Variants in LAMA2 observed in about 807,000 individuals in gnomAD.
LAMA2 encodes laminin subunit alpha-2.
Under a neutral mutation model 364.8 loss-of-function variants are expected in LAMA2, and 269 were observed. The ratio of observed to expected loss-of-function variants is 0.74; its 90% confidence interval spans 0.67 to 0.82. The LOEUF is 0.82. LAMA2 is among the 40% of genes least tolerant of loss of function. The pLI, the probability that LAMA2 is intolerant of heterozygous loss-of-function variation, is 0.00. For synonymous variants in LAMA2, 1,379 were observed against 1,370.6 expected (o/e 1.01, Z -0.14); for missense variants, 3,807 against 3,873.2 (o/e 0.98, Z 0.45).
chr6:129,239,042 T>C (rs1785214453), intron 12 of LAMA2, among the ~76,000 whole-genome samples: 1 of 152,214 alleles, frequency 6.6e-6, no homozygotes, highest in Admixed American at 6.5e-5. Context: ...ATTTTGGAGA[T>C]TGTTTTACAT....
At chr6:128,973,079 A>G (rs549447386) in intron 1 of LAMA2, among the ~76,000 whole-genome samples, 25 of 152,096 alleles carry the variant, frequency 1.6e-4, no homozygotes, top group African/African-American at 5.6e-4. Flanking sequence ...GCAAGTTACT[A>G]TATTGCAATG....
chr6:129,081,255 A>AG (rs1309318819), intron 3 of LAMA2, among the ~76,000 whole-genome samples: 2 of 138,088 alleles, frequency 1.4e-5, no homozygotes, highest in African/African-American at 5.3e-5. Context: ...GGGTGGGGTG[A>AG]GGGGGGAGGG....
intron 21 of LAMA2, among the ~76,000 whole-genome samples, chr6:129,298,733 A>G (rs998405837): frequency 1.3e-5 from 2 of 152,170 alleles, no homozygotes; most frequent in Admixed American, 6.5e-5. Flanking sequence ...AATATTTAAA[A>G]CTATTTAAAG....
chr6:129,081,176 A>G (rs1037484834), intron 3 of LAMA2, among the ~76,000 whole-genome samples: 1 of 147,368 alleles, frequency 6.8e-6, no homozygotes, highest in Non-Finnish European at 1.5e-5. Context: ...TCTCACTCAT[A>G]GGTGGGAAAC....
At chr6:129,386,349 A>T (rs1458368224) in intron 35 of LAMA2, among the ~76,000 whole-genome samples, 1 of 151,960 alleles carries the variant, frequency 6.6e-6, no homozygotes, top group Non-Finnish European at 1.5e-5. Flanking sequence ...GGAACTATAT[A>T]TATGTATATA....
intron 48 of LAMA2, among the ~76,000 whole-genome samples, chr6:129,457,402 G>A (rs186764255): frequency 8.6e-4 from 131 of 152,040 alleles, no homozygotes; most frequent in Admixed American, 1.3e-3. Flanking sequence ...TAAATATAGG[G>A]ATAGCACACA....
intron 3 of LAMA2, among the ~76,000 whole-genome samples, chr6:129,061,407 T>A (rs1788904615): frequency 6.6e-6 from 1 of 152,210 alleles, no homozygotes; most frequent in South Asian, 2.1e-4. Context: ...ATAGTACTCT[T>A]TGAGCTGAAC....
At chr6:129,094,689 A>T (rs950079592) in intron 3 of LAMA2, among the ~76,000 whole-genome samples, 4 of 152,210 alleles carry the variant, frequency 2.6e-5, no homozygotes, top group Admixed American at 1.3e-4. Flanking sequence ...TTATATCTTT[A>T]AAAAAATCTC....
intron 4 of LAMA2, among the ~76,000 whole-genome samples, chr6:129,116,050 T>G (rs1332718769): frequency 1.3e-5 from 2 of 152,156 alleles, no homozygotes; most frequent in Non-Finnish European, 1.5e-5. Context: ...TGACTGAATC[T>G]TATTCTTTAG....
intron 1 of LAMA2, among the ~76,000 whole-genome samples, chr6:128,914,482 A>G (rs1006377750): frequency 1.3e-5 from 2 of 152,196 alleles, no homozygotes; most frequent in African/African-American, 2.4e-5. Flanking sequence ...TATATATGTA[A>G]TACTTTCTTC....
At chr6:129,337,733 C>CA (rs968664825) in intron 29 of LAMA2, among the ~76,000 whole-genome samples, 42 of 149,596 alleles carry the variant, frequency 2.8e-4, no homozygotes, top group East Asian at 9.7e-4. Context: ...TTCCAGTGTG[C>CA]AAAAAAAAAC....
intron 12 of LAMA2, among the ~76,000 whole-genome samples, chr6:129,200,125 T>TACAC (rs1491361739): frequency 8.1e-5 from 8 of 99,366 alleles, no homozygotes; most frequent in Admixed American, 3.9e-4. Context: ...TATATATGTG[T>TACAC]ATATATATAC....
intron 14 of LAMA2, among the ~76,000 whole-genome samples, chr6:129,256,543 G>C (rs1583353065): frequency 6.6e-6 from 1 of 151,802 alleles, no homozygotes; most frequent in Non-Finnish European, 1.5e-5. Context: ...TGCAGAAGAA[G>C]TGTGCACAAT....
chr6:129,328,754 A>G (rs1775452554), intron 29 of LAMA2, among the ~76,000 whole-genome samples: 1 of 152,228 alleles, frequency 6.6e-6, no homozygotes. Flanking sequence ...AAGAATTAAG[A>G]AGAAAAAATT....
chr6:129,151,377 A>G (rs1432336177), intron 7 of LAMA2, among the ~76,000 whole-genome samples: 2 of 152,184 alleles, frequency 1.3e-5, no homozygotes, highest in Admixed American at 6.5e-5. Flanking sequence ...GAAATACACT[A>G]TTACAACAAA....
chr6:129,170,895 T>C (rs1780102395), intron 9 of LAMA2, among the ~76,000 whole-genome samples: 1 of 150,522 alleles, frequency 6.6e-6, no homozygotes, highest in Non-Finnish European at 1.5e-5. Context: ...TAGTTAGCTC[T>C]TCTTGTTGAA....
intron 9 of LAMA2, among the ~76,000 whole-genome samples, chr6:129,169,974 T>C (rs1457277576): frequency 6.6e-6 from 1 of 151,044 alleles, no homozygotes; most frequent in African/African-American, 2.5e-5. Flanking sequence ...TATTCTCTGA[T>C]TTTAGTTTGT....
At chr6:129,203,253 C>A (rs960369706) in intron 12 of LAMA2, among the ~76,000 whole-genome samples, 2 of 152,208 alleles carry the variant, frequency 1.3e-5, no homozygotes, top group African/African-American at 4.8e-5. Context: ...TTTTCTGTAG[C>A]TTTTCAGTAA....
At chr6:129,025,540 A>G (rs1785752106) in intron 1 of LAMA2, among the ~76,000 whole-genome samples, 1 of 152,198 alleles carries the variant, frequency 6.6e-6, no homozygotes, top group African/African-American at 2.4e-5. Flanking sequence ...TAGTAGGTCA[A>G]GGAGAAATCA....
Sources: gnomAD v4.1 joint callset for allele counts (sites outside exome capture counted in the v4.1 genomes callset) on GRCh38, gnomAD v4.1.1 for gene constraint, MANE v1.5 for transcripts, NCBI Gene and HGNC (gene_info 2026-07-23, HGNC 2026-07-21) for gene names.